NAALADL2: variants seen among roughly 807,000 people sequenced by gnomAD.
NAALADL2 encodes N-acetylated alpha-linked acidic dipeptidase like 2, also known as inactive N-acetylated-alpha-linked acidic dipeptidase-like protein 2.
A neutral mutation model predicts 87.2 loss-of-function variants in NAALADL2; 76 were observed. That is an observed-to-expected ratio of 0.87 (90% confidence interval 0.72 to 1.05). The LOEUF (loss-of-function observed/expected upper bound fraction) is 1.05. NAALADL2 is among the 50% of genes least tolerant of loss of function. The probability of loss-of-function intolerance (pLI) is 0.00; values close to 1 mark genes in which losing one functional copy is unlikely to be tolerated. For missense variants in NAALADL2, 1,089 were observed against 945.8 expected (o/e 1.15, Z -1.99); for synonymous variants, 354 against 331.0 (o/e 1.07, Z -0.75).
At chr3:175,140,365 C>T (rs902163644) in intron 2 of NAALADL2, among the ~76,000 whole-genome samples, 1 of 152,078 alleles carries the variant, frequency 6.6e-6, no homozygotes, top group Admixed American at 6.6e-5. Context: ...TGTCCCTGTC[C>T]TCAGAGAGCT....
intron 2 of NAALADL2, among the ~76,000 whole-genome samples, chr3:175,212,185 T>A (rs1032621692): frequency 6.6e-6 from 1 of 152,032 alleles, no homozygotes; most frequent in Non-Finnish European, 1.5e-5. Flanking sequence ...CCTTTAGTAA[T>A]AAGATTCCTA....
chr3:174,856,424 A>G (rs574301077), upstream of NAALADL2, among the ~76,000 whole-genome samples: 8 of 152,276 alleles, frequency 5.3e-5, no homozygotes, highest in South Asian at 1.0e-3. Flanking sequence ...GAAACAATCA[A>G]TAAGTGTAAA....
intron 9 of NAALADL2, among the ~76,000 whole-genome samples, chr3:175,508,205 C>T (rs114415646): frequency 0.023 from 3,565 of 152,296 alleles, 65 homozygotes; most frequent in Non-Finnish European, 0.036. Context: ...AGGGATCTGC[C>T]GCCATGATCC....
chr3:175,238,815 CT>C (rs1248046186), intron 3 of NAALADL2, among the ~76,000 whole-genome samples: 1 of 152,098 alleles, frequency 6.6e-6, no homozygotes, highest in African/African-American at 2.4e-5. Context: ...AGGCATGCCT[CT>C]TTTTTTGATT....
chr3:174,833,840 C>G (rs57572624), intron 3 of NAALADL2, among the ~76,000 whole-genome samples: 2,004 of 149,258 alleles, frequency 0.013, 6 homozygotes, highest in African/African-American at 0.047. Context: ...AAGAGATTTG[C>G]CAAAATTTAA....
intron 2 of NAALADL2, among the ~76,000 whole-genome samples, chr3:175,159,527 A>C (rs996919209): frequency 6.6e-6 from 1 of 152,186 alleles, no homozygotes; most frequent in Non-Finnish European, 1.5e-5. Context: ...GAAGTGAAAT[A>C]ATTTTGTAAT....
At chr3:175,402,492 T>A (rs1581741949) in intron 5 of NAALADL2, among the ~76,000 whole-genome samples, 1 of 152,080 alleles carries the variant, frequency 6.6e-6, no homozygotes, top group Non-Finnish European at 1.5e-5. Flanking sequence ...CAAATATAAG[T>A]TAGTGAACAG....
chr3:174,480,261 G>A (rs1207000657), intron 1 of NAALADL2, among the ~76,000 whole-genome samples: 1 of 152,116 alleles, frequency 6.6e-6, no homozygotes, highest in African/African-American at 2.4e-5. Flanking sequence ...TATCAGAGAA[G>A]ACTCCTCATG....
intron 2 of NAALADL2, among the ~76,000 whole-genome samples, chr3:174,574,745 G>A (rs1715339385): frequency 6.6e-6 from 1 of 151,916 alleles, no homozygotes; most frequent in African/African-American, 2.4e-5. Context: ...AGTTCATTTG[G>A]TCTCTTCTAG....
chr3:175,355,018 A>ATGTGTG (rs1175936984), intron 5 of NAALADL2, among the ~76,000 whole-genome samples: 2 of 103,858 alleles, frequency 1.9e-5, no homozygotes, highest in African/African-American at 8.1e-5. Flanking sequence ...ATTGCTATAT[A>ATGTGTG]TATATGTGTG....
chr3:175,635,768 C>T (rs908901547), intron 11 of NAALADL2, among the ~76,000 whole-genome samples: 33 of 152,178 alleles, frequency 2.2e-4, no homozygotes, highest in Non-Finnish European at 3.2e-4. Context: ...CTTTCCATAT[C>T]GTTCTTGAAT....
chr3:174,561,147 T>G (rs1200344918), intron 2 of NAALADL2, among the ~76,000 whole-genome samples: 1 of 150,968 alleles, frequency 6.6e-6, no homozygotes, highest in Non-Finnish European at 1.5e-5. Flanking sequence ...GGAAAATTAC[T>G]AAGAGGAAAT....
chr3:175,635,748 G>A (rs746097804), intron 11 of NAALADL2, among the ~76,000 whole-genome samples: 8 of 151,998 alleles, frequency 5.3e-5, no homozygotes, highest in Admixed American at 1.3e-4. Context: ...CTTTGAAGAG[G>A]AGACTCTACC....
chr3:175,382,860 T>A (rs1039212603), intron 5 of NAALADL2, among the ~76,000 whole-genome samples: 1 of 152,042 alleles, frequency 6.6e-6, no homozygotes, highest in Non-Finnish European at 1.5e-5. Context: ...ATAAGAGGAA[T>A]GTACATTTGA....
intron 1 of NAALADL2, among the ~76,000 whole-genome samples, chr3:175,093,457 T>C (rs1720544105): frequency 6.9e-6 from 1 of 144,896 alleles, no homozygotes; most frequent in Non-Finnish European, 1.5e-5. Flanking sequence ...CAAACAAAAC[T>C]ATCAGGGCAG....
At chr3:175,191,007 A>AAAAGAT (rs1465771308) in intron 2 of NAALADL2, among the ~76,000 whole-genome samples, 1 of 151,784 alleles carries the variant, frequency 6.6e-6, no homozygotes, top group African/African-American at 2.4e-5. Context: ...AAGAAAAAGA[A>AAAAGAT]AAGTAACCAA....
intron 5 of NAALADL2, among the ~76,000 whole-genome samples, chr3:175,354,774 C>A (rs1764156112): frequency 6.6e-6 from 1 of 151,704 alleles, no homozygotes; most frequent in African/African-American, 2.4e-5. Flanking sequence ...CTGCCTCAGC[C>A]TCCTGAGTAG....
At chr3:175,396,082 C>T (rs1318718675) in intron 5 of NAALADL2, among the ~76,000 whole-genome samples, 2 of 152,108 alleles carry the variant, frequency 1.3e-5, no homozygotes, top group Non-Finnish European at 2.9e-5. Flanking sequence ...GCAATGGAAT[C>T]CTGCCGTTAA....
At chr3:174,718,136 A>C (rs1731379134) in intron 2 of NAALADL2, among the ~76,000 whole-genome samples, 1 of 152,140 alleles carries the variant, frequency 6.6e-6, no homozygotes, top group Admixed American at 6.5e-5. Context: ...AACAAACAAA[A>C]AATGAAACAA....
Sources: gnomAD v4.1 joint callset for allele counts (sites outside exome capture counted in the v4.1 genomes callset) on GRCh38, gnomAD v4.1.1 for gene constraint, MANE v1.5 for transcripts, NCBI Gene and HGNC (gene_info 2026-07-23, HGNC 2026-07-21) for gene names.